The following WDPCP variants were observed in gnomAD, a reference collection of about 807,000 sequenced individuals.
WDPCP encodes the protein WD repeat containing planar cell polarity effector.
A neutral mutation model predicts 93.1 loss-of-function variants in WDPCP; 71 were observed. That is an observed-to-expected ratio of 0.76 (90% CI 0.63 to 0.93). The LOEUF (loss-of-function observed/expected upper bound fraction) is 0.93, where lower values mean the gene tolerates loss of function less well. Ranked by LOEUF, WDPCP falls within the 40% of genes least tolerant of loss-of-function variation. The pLI is 0.00. For missense variants in WDPCP, 844 were observed against 887.4 expected, an observed-to-expected ratio of 0.95 and a Z score of 0.62; for synonymous variants, 315 against 315.0, an observed-to-expected ratio of 1.00 and a Z score of 0.00.
chr2:63,535,442 G>A (rs1185429209), intron 1 of WDPCP, among the ~76,000 whole-genome samples: 3 of 152,106 alleles, frequency 2.0e-5, no homozygotes, highest in Non-Finnish European at 1.5e-5. Flanking sequence ...GAGGCATCAC[G>A]CTACCTGACT....
rs1384973508 is a variant in WDPCP at position 63,698,130 on chromosome 2, A to AT, written n.309-47293dup. Among the ~76,000 whole-genome samples, 8 of 150,900 alleles carry AT rather than the reference A, an allele frequency of 5.3e-5. No individual in the cohort carries two copies. The East Asian group carries it at 1.6e-3, about 30-fold the overall frequency. ...AGCACCATGCCTGGCTAATTTTTGT[A>AT]TTTTTATTAGAGACGGGGTTTCACC... On this transcript the variant is annotated intron_variant and non_coding_transcript_variant, in intron 2 of 4. Coordinates refer to the WDPCP transcript ENST00000467687.
intron 14 of WDPCP, among the ~76,000 whole-genome samples, chr2:63,208,801 T>C (rs1326147616): frequency 3.3e-5 from 5 of 152,232 alleles, no homozygotes; most frequent in African/African-American, 1.2e-4. Flanking sequence ...TGTGAGACTC[T>C]GCTTTCATGG....
intron 17 of WDPCP, among the ~76,000 whole-genome samples, chr2:63,139,410 T>A (rs536368536): frequency 1.3e-5 from 2 of 152,230 alleles, no homozygotes; most frequent in Admixed American, 1.3e-4. Flanking sequence ...CTGTTTTCCA[T>A]AGTGGCTGTA....
At chr2:63,474,216 A>C (rs1699842804) in intron 6 of WDPCP, among the ~76,000 whole-genome samples, 1 of 152,166 alleles carries the variant, frequency 6.6e-6, no homozygotes, top group Admixed American at 6.5e-5. Flanking sequence ...ATCCAATTAC[A>C]GGATATCAGA....
chr2:63,515,570 T>C lies in WDPCP; in HGVS notation c.76-22630A>G, dbSNP rs759914486. ...AAAAGTGCAATTTGCCTTTAGAGAT[T>C]GCATTTATTTGTTTCTAAATCTTGG... On this transcript the variant is annotated intron_variant, in intron 1 of 17. Transcript: ENST00000272321. Among the ~76,000 whole-genome samples the C allele has an allele frequency of 3.5e-4, 53 of 152,320 alleles. 1 individual carries two copies. Among genetic ancestry groups the C allele is most frequent in the Middle Eastern group, 3.4e-3 (1 of 294 alleles).
intron 13 of WDPCP, 52 bp downstream of exon 13, chr2:63,313,196 A>C: frequency 6.5e-7 from 1 of 1,547,856 alleles, no homozygotes; most frequent in Non-Finnish European, 8.9e-7. Flanking sequence ...ACAAAAGCTG[A>C]CAACTTAGCC....
intron 2 of WDPCP, among the ~76,000 whole-genome samples, chr2:63,706,942 T>C (rs1010735131): frequency 2.6e-5 from 4 of 152,184 alleles, no homozygotes; most frequent in African/African-American, 9.7e-5. Context: ...TTAAGAATGT[T>C]GAATATTGGC....
At chr2:63,831,319 C>A (rs1558921392), upstream of WDPCP, among the ~76,000 whole-genome samples, 1 of 152,160 alleles carries the variant, frequency 6.6e-6, no homozygotes, top group Non-Finnish European at 1.5e-5. Flanking sequence ...TCATTTCTTG[C>A]CTCTTGCCAT....
intron 12 of WDPCP, among the ~76,000 whole-genome samples, chr2:63,316,563 G>C (rs1686657258): frequency 6.6e-6 from 1 of 151,964 alleles, no homozygotes; most frequent in South Asian, 2.1e-4. Context: ...TGAGGCACAA[G>C]GATTACTTGA....
chr2:63,434,105 T>C lies in WDPCP; in HGVS notation c.634-169A>G, dbSNP rs554429521. Among the ~76,000 whole-genome samples the C allele has an allele frequency of 4.1e-4, 62 of 152,276 alleles. No homozygotes were observed. In the South Asian group the frequency reaches 0.012, roughly 30 times the overall value. On this transcript the variant is annotated intron_variant, in intron 8 of 17. Coordinates refer to ENST00000272321, the MANE Select transcript of WDPCP (RefSeq NM_015910.7). ...ATTTACCAAATTCTTCTGACACATATATAAAAAAGACATATGTTCAAAATT... is the reference window on the plus strand; with the variant it reads ...ATTTACCAAATTCTTCTGACACATACATAAAAAAGACATATGTTCAAAATT...
At chr2:63,469,129 A>T (rs934429571) in intron 6 of WDPCP, among the ~76,000 whole-genome samples, 2 of 152,244 alleles carry the variant, frequency 1.3e-5, no homozygotes, top group Non-Finnish European at 2.9e-5. Flanking sequence ...GAGAAATGTA[A>T]ATCAAAACCA....
chr2:63,517,672 T>C (rs933042903), intron 1 of WDPCP, among the ~76,000 whole-genome samples: 3 of 152,166 alleles, frequency 2.0e-5, no homozygotes, highest in Admixed American at 2.0e-4. Flanking sequence ...AAGCCATCCT[T>C]TATTTCTTAA....
intron 13 of WDPCP, among the ~76,000 whole-genome samples, chr2:63,291,476 G>A (rs571497334): frequency 6.6e-6 from 1 of 152,172 alleles, no homozygotes. Context: ...TGGTGTTTTT[G>A]TGTCTCTGAT....
chr2:63,702,287 A>G (rs974303268), intron 2 of WDPCP, among the ~76,000 whole-genome samples: 1 of 152,158 alleles, frequency 6.6e-6, no homozygotes, highest in East Asian at 1.9e-4. Context: ...CGGCCTCCCA[A>G]AGTGCTGGGA....
At chr2:63,622,711 G>T in intron 3 of WDPCP, 1 of 1,613,606 alleles carries the variant, frequency 6.2e-7, no homozygotes, top group Non-Finnish European at 8.5e-7. Context: ...ACCTCCCGGT[G>T]TACTATGTCT....
intron 9 of WDPCP, among the ~76,000 whole-genome samples, chr2:63,408,514 A>G (rs1694773920): frequency 6.6e-6 from 1 of 152,152 alleles, no homozygotes; most frequent in Non-Finnish European, 1.5e-5. Flanking sequence ...AAGACGGGTA[A>G]AACTCCACAG....
chr2:63,662,631 A>G (rs560728692), intron 2 of WDPCP, among the ~76,000 whole-genome samples: 1 of 110,494 alleles, frequency 9.1e-6, no homozygotes, highest in African/African-American at 4.0e-5. Flanking sequence ...TCTGCCCATC[A>G]TCTCTTCCAG....
At chr2:63,527,668 C>T (rs190367855) in intron 1 of WDPCP, among the ~76,000 whole-genome samples, 48 of 152,100 alleles carry the variant, frequency 3.2e-4, no homozygotes, top group South Asian at 2.9e-3. Context: ...TGAATAGTGC[C>T]GCAGTAAACA....
intron 2 of WDPCP, among the ~76,000 whole-genome samples, chr2:63,690,031 C>G (rs17554529): frequency 0.027 from 4,132 of 152,226 alleles, 85 homozygotes; most frequent in South Asian, 0.045. Context: ...GTGGTGGATA[C>G]CCCTGAATGA....
Sources: allele counts gnomAD v4.1 joint callset (sites outside exome capture counted in the v4.1 genomes callset), GRCh38; gene constraint gnomAD v4.1.1; transcripts MANE v1.5; gene names NCBI Gene and HGNC (gene_info 2026-07-23, HGNC 2026-07-21).